PHACTR2: variants seen among roughly 807,000 people sequenced by gnomAD.
PHACTR2 encodes the protein chromosome 6 open reading frame 56.
A neutral mutation model predicts 76.0 loss-of-function variants in PHACTR2; 30 were observed. The observed-to-expected ratio is 0.39, with a 90% CI of 0.30 to 0.54. The LOEUF (loss-of-function observed/expected upper bound fraction) is 0.54, where lower values mean the gene tolerates loss of function less well. Ranked by LOEUF, PHACTR2 falls within the 20% of genes least tolerant of loss-of-function variation. PHACTR2 has a pLI of 0.61. For synonymous variants in PHACTR2, 292 were observed against 292.5 expected (o/e 1.00, Z 0.02); for missense variants, 696 against 781.1 (o/e 0.89, Z 1.30).
rs1209186561 is a variant in PHACTR2, at chr6:143,616,126, T to C, written c.13+7804T>C. Among the ~76,000 whole-genome samples, 2 of 152,232 alleles carry C rather than the reference T, an allele frequency of 1.3e-5. No individual in the cohort carries two copies. Among genetic ancestry groups the C allele is most frequent in the African/African-American group, 4.8e-5 (2 of 41,476 alleles). ...CTAATTGTTTTTATAGGTAGCTCTT[T>C]TATTATTTTTATAGATAATTCCCAA... On this transcript the variant is annotated intron_variant, in intron 1 of 11. Transcript: ENST00000305766. The surrounding 1 kb of genome is among the most constrained non-coding windows in gnomAD (Gnocchi z 4.9).
chr6:143,725,881 C>G (rs1352440109), intron 2 of PHACTR2, among the ~76,000 whole-genome samples: 1 of 151,770 alleles, frequency 6.6e-6, no homozygotes, highest in East Asian at 1.9e-4. Flanking sequence ...TCTTTGGAGA[C>G]TGGTTTCTTC....
chr6:143,771,949 A>G (rs561097365), intron 6 of PHACTR2, among the ~76,000 whole-genome samples: 4 of 152,342 alleles, frequency 2.6e-5, no homozygotes, highest in Admixed American at 6.5e-5. Flanking sequence ...CTGAAGGTCC[A>G]TGAAAGCTTC....
chr6:143,670,973 G>C (rs947829341), intron 1 of PHACTR2, among the ~76,000 whole-genome samples: 2 of 151,730 alleles, frequency 1.3e-5, no homozygotes, highest in African/African-American at 4.8e-5. Context: ...GCCCAGGCTG[G>C]AGTACAGTGG....
rs1776423703 is a variant in PHACTR2, at chr6:143,821,786, T to C, written c.1923-1888T>C. 6.6e-6 allele frequency among the ~76,000 whole-genome samples: 1 copy of C among 151,828 alleles called. No homozygotes were observed. Among genetic ancestry groups the C allele is most frequent in the Non-Finnish European group, 1.5e-5 (1 of 67,944 alleles). On this transcript the variant is annotated intron_variant, in intron 12 of 12. Transcript: ENST00000440869. The surrounding 1 kb of genome is among the most constrained non-coding windows in gnomAD (Gnocchi z 5.2). ...AGGACAGATTGCTTGAGTGCAGGAG[T>C]TTGAGAACAGCCTGAGCAACATAGC...
At position 143,753,638 on chromosome 6, in the gene PHACTR2, T is replaced by TA; in HGVS notation, c.296-115dup. On this transcript the variant is annotated intron_variant, in intron 3 of 12. Coordinates refer to ENST00000440869, the MANE Select transcript of PHACTR2 (RefSeq NM_001100164.2). The surrounding 1 kb of genome is among the most constrained non-coding windows in gnomAD (Gnocchi z 4.6). ...TAAACCGGTGAAACAGTGCAGGGTG[T>TA]ATTTGGTTCCCAGGGACTGAAACAT... is the stretch of plus-strand genomic sequence containing the variant. 23 of 669,258 alleles carry TA rather than the reference T, an allele frequency of 3.4e-5. 1 individual carries two copies. In the South Asian group the frequency reaches 4.6e-4, roughly 13 times the overall value. The allele number at this position is 669,258 out of a possible 1,614,324, so 41.5% of individuals were successfully genotyped here. A position where few individuals can be genotyped will look rare whatever the true frequency, so the allele number is the denominator to read the frequency against.
Position 143,678,275 on chromosome 6 carries a change from G to A in PHACTR2, c.46+66G>A. On this transcript the variant is annotated intron_variant, in intron 1 of 12. Transcript: ENST00000440869. The surrounding 1 kb of genome is among the most constrained non-coding windows in gnomAD (Gnocchi z 6.2). ...CGCAGGGCTGGCGGCGGGGCCCCGG[G>A]GCAGGCAGGGTTAGTCGTCTGGTCG... The A allele has an allele frequency of 7.3e-7, 1 of 1,374,944 alleles. No individual in the cohort carries two copies. The highest frequency in any genetic ancestry group is 9.4e-7 in the Non-Finnish European group (1 of 1,060,918). The allele number at this position is 1,374,944 out of a possible 1,614,324, so 85.2% of individuals were successfully genotyped here.
Position 143,654,558 on chromosome 6 carries a change from A to C in PHACTR2, c.13+46236A>C, listed in dbSNP as rs1191245661. On this transcript the variant is annotated intron_variant, in intron 1 of 11. Transcript: ENST00000305766. This position sits in a 1 kb window ranked among gnomAD's most constrained non-coding sequence, Gnocchi z 4.6. The stretch of plus-strand genomic sequence containing the variant: ...TGTGGCTCACACCTGTAATCTTGGC[A>C]CTTTGGGAGACTGAGGTGGGAGGAT... Among the ~76,000 whole-genome samples the C allele has an allele frequency of 6.6e-6, 1 of 152,216 alleles. No homozygotes were observed. The highest frequency in any genetic ancestry group is 1.5e-5 in the Non-Finnish European group (1 of 68,034).
chr6:143,716,643 G>T (rs1486147117), intron 2 of PHACTR2, among the ~76,000 whole-genome samples: 3 of 152,182 alleles, frequency 2.0e-5, no homozygotes, highest in Non-Finnish European at 4.4e-5. Flanking sequence ...TCAGTCTATG[G>T]CCTTATCCTT....
chr6:143,555,621 G>T (rs1031740560), intron 1 of PHACTR2, among the ~76,000 whole-genome samples: 5 of 151,796 alleles, frequency 3.3e-5, no homozygotes, highest in African/African-American at 1.2e-4. Context: ...TTTTCCTCTT[G>T]CTCCAGTTTG....
At chr6:143,674,413 T>G (rs1184598899), upstream of PHACTR2, among the ~76,000 whole-genome samples, 1 of 152,194 alleles carries the variant, frequency 6.6e-6, no homozygotes, top group Non-Finnish European at 1.5e-5. This position sits in a 1 kb window ranked among gnomAD's most constrained non-coding sequence, Gnocchi z 4.9. Context: ...TCCTTCCCAT[T>G]AAGAAATAAT....
rs1776367694 is a variant in PHACTR2, at chr6:143,819,483, T to C, written c.1923-4191T>C. ...TTAGGGCAATTGGCTCACATGATAA[T>C]GGATGCTGAGAAGTCCCAGAACAGG... On this transcript the variant is annotated intron_variant, in intron 12 of 12. Transcript: ENST00000440869. This position sits in a 1 kb window ranked among gnomAD's most constrained non-coding sequence, Gnocchi z 5.0. Among the ~76,000 whole-genome samples the C allele has an allele frequency of 6.6e-6, 1 of 152,228 alleles. No homozygotes were observed. Among genetic ancestry groups the C allele is most frequent in the East Asian group, 1.9e-4 (1 of 5,174 alleles).
In PHACTR2 at chr6:143,765,739, G is replaced by T. The variant is rs751320429; in HGVS notation, c.1173G>T (p.Thr391=). The part of the protein sequence containing the change: ...PSQLLWAEEP[T]NRTTLYSGTG... Reference sequence around the variant, plus strand: ...AGCTTCTTTGGGCTGAAGAGCCGACGAACAGAACCACTCTCTACTCAGGCA... The same window carrying T: ...AGCTTCTTTGGGCTGAAGAGCCGACTAACAGAACCACTCTCTACTCAGGCA... Residue 391 remains threonine (T), a synonymous_variant, in exon 6 of 13, where the codon ACG becomes ACT. Coordinates refer to ENST00000440869, the MANE Select transcript of PHACTR2 (RefSeq NM_001100164.2). This position sits in a 1 kb window ranked among gnomAD's most constrained non-coding sequence, Gnocchi z 4.1. 8.1e-6 allele frequency: 13 copies of T among 1,614,182 alleles called. No individual in the cohort carries two copies. The South Asian group carries it at 1.4e-4, about 18-fold the overall frequency.
chr6:143,694,931 G>A (rs1693136207), intron 1 of PHACTR2, among the ~76,000 whole-genome samples: 1 of 152,172 alleles, frequency 6.6e-6, no homozygotes, highest in Non-Finnish European at 1.5e-5. Flanking sequence ...TCTTGTCAAC[G>A]TGAAGATAAT....
In PHACTR2 at chr6:143,585,057, G is replaced by A. The variant is rs1775612750; in HGVS notation, c.217+47850G>A. Reference sequence around the variant, plus strand: ...TGGCTGTCATAACTCAAGTTGTTGGGGGACACATGACTATTTAAGCAGCAA... The same window carrying A: ...TGGCTGTCATAACTCAAGTTGTTGGAGGACACATGACTATTTAAGCAGCAA... On this transcript the variant is annotated intron_variant, in intron 1 of 11. Transcript: ENST00000367584. This position sits in a 1 kb window ranked among gnomAD's most constrained non-coding sequence, Gnocchi z 5.2. Among the ~76,000 whole-genome samples the A allele has an allele frequency of 6.6e-6, 1 of 152,004 alleles. No individual in the cohort carries two copies. The highest frequency in any genetic ancestry group is 2.1e-4 in the South Asian group (1 of 4,810).
At position 143,596,133 on chromosome 6, in the gene PHACTR2, A is replaced by C. The variant is rs1444796636; in HGVS notation, c.217+58926A>C. Among the ~76,000 whole-genome samples the C allele has an allele frequency of 6.6e-6, 1 of 152,218 alleles. No individual in the cohort carries two copies. The highest frequency in any genetic ancestry group is 1.9e-4 in the East Asian group (1 of 5,208). On this transcript the variant is annotated intron_variant, in intron 1 of 11. Transcript: ENST00000367584. This position sits in a 1 kb window ranked among gnomAD's most constrained non-coding sequence, Gnocchi z 4.6. ...TTTAACTATCTCAAATGAATTACAG[A>C]TATTTTATAGCACTATCCACATGTT...
intron 2 of PHACTR2, among the ~76,000 whole-genome samples, chr6:143,716,490 T>A (rs1180211111): frequency 3.3e-5 from 5 of 152,154 alleles, no homozygotes; most frequent in Non-Finnish European, 7.4e-5. Flanking sequence ...GATGCCCAGT[T>A]AATTTTTGTA....
At chr6:143,732,646 T>A (rs1033624777) in intron 2 of PHACTR2, among the ~76,000 whole-genome samples, 3 of 152,234 alleles carry the variant, frequency 2.0e-5, no homozygotes, top group Non-Finnish European at 2.9e-5. Flanking sequence ...CTCTTGGTTA[T>A]ATACCTAGAA....
intron 2 of PHACTR2, among the ~76,000 whole-genome samples, chr6:143,734,572 T>G (rs1457175496): frequency 1.3e-5 from 2 of 152,242 alleles, no homozygotes; most frequent in African/African-American, 4.8e-5. Context: ...TTTTGCTGAT[T>G]TCTGATTACA....
At chr6:143,540,971 A>G (rs1363817609) in intron 1 of PHACTR2, among the ~76,000 whole-genome samples, 1 of 152,192 alleles carries the variant, frequency 6.6e-6, no homozygotes, top group Non-Finnish European at 1.5e-5. Context: ...CTGGAGTACA[A>G]TGGCTGTTCG....
Sources: gnomAD v4.1 joint callset for allele counts (sites outside exome capture counted in the v4.1 genomes callset) on GRCh38, gnomAD v4.1.1 for gene constraint, Gnocchi (gnomAD v3.1) non-coding constraint, MANE v1.5 for transcripts, NCBI Gene and HGNC (gene_info 2026-07-23, HGNC 2026-07-21) for gene names.